The following ANXA13 variants were observed in gnomAD, a reference collection of about 807,000 sequenced individuals.
ANXA13 encodes the protein annexin XIII.
In ANXA13, 36 loss-of-function variants were observed where a neutral mutation model predicts 46.6. The ratio of observed to expected loss-of-function variants is 0.77; its 90% CI spans 0.59 to 1.02. ANXA13 has a LOEUF of 1.02. Ranked by LOEUF, ANXA13 falls within the 50% of genes least tolerant of loss-of-function variation. The pLI is 0.00. For missense variants in ANXA13, 417 were observed against 396.5 expected (o/e 1.05, Z -0.44); for synonymous variants, 163 against 152.9 (o/e 1.07, Z -0.49).
intron 9 of ANXA13, 93 bp from the exon 10 acceptor site, chr8:123,684,815 G>A (rs1469583898): frequency 2.3e-6 from 2 of 868,822 alleles, no homozygotes; most frequent in South Asian, 1.4e-5. Flanking sequence ...TGCCCTTCGA[G>A]CTGACTGGAT....
intron 10 of ANXA13, among the ~76,000 whole-genome samples, chr8:123,682,952 C>A (rs548066871): frequency 6.6e-6 from 1 of 152,180 alleles, no homozygotes; most frequent in Non-Finnish European, 1.5e-5. Flanking sequence ...ACAAGCCCTT[C>A]GGATGGATCC....
chr8:123,698,670 T>C lies in ANXA13; in HGVS notation c.187-111A>G. 6 of 1,186,822 alleles carry C rather than the reference T, an allele frequency of 5.1e-6. No individual in the cohort carries two copies. In the South Asian group the frequency reaches 8.6e-5, roughly 17 times the overall value. The allele number at this position is 1,186,822 out of a possible 1,614,324, so 73.5% of individuals were successfully genotyped here. On this transcript the variant is annotated intron_variant, in intron 3 of 10. Transcript: ENST00000419625. ...GTTGACAAGAAAGGTGCTGTGGACATGAATTCTGCCAACCTGCAACCTGCT... is the reference window on the plus strand; with the variant it reads ...GTTGACAAGAAAGGTGCTGTGGACACGAATTCTGCCAACCTGCAACCTGCT...
chr8:123,712,862 C>T (rs963850112), intron 1 of ANXA13, 109 bp from the exon 2 acceptor site: 1 of 903,248 alleles, frequency 1.1e-6, no homozygotes, highest in Admixed American at 2.0e-5. Context: ...TAACCAGGGA[C>T]CAGCTGTCAC....
intron 1 of ANXA13, chr8:123,735,673 G>A (rs1020830311): frequency 2.1e-6 from 3 of 1,442,812 alleles, no homozygotes; most frequent in Admixed American, 4.7e-5. Flanking sequence ...GGTCCAACAT[G>A]ACAGATCACT....
At chr8:123,712,978 C>T (rs944715582) in intron 1 of ANXA13, among the ~76,000 whole-genome samples, 1 of 152,112 alleles carries the variant, frequency 6.6e-6, no homozygotes, top group African/African-American at 2.4e-5. Flanking sequence ...GAGAATGGGC[C>T]CCTCTGTTCT....
chr8:123,698,142 GA>G (rs1813377261), intron 4 of ANXA13, among the ~76,000 whole-genome samples: 1 of 152,242 alleles, frequency 6.6e-6, no homozygotes, highest in Non-Finnish European at 1.5e-5. Flanking sequence ...CATCAGTTTA[GA>G]AAAGCAGAAG....
chr8:123,731,325 A>T (rs564413044), intron 1 of ANXA13, among the ~76,000 whole-genome samples: 1 of 152,306 alleles, frequency 6.6e-6, no homozygotes, highest in African/African-American at 2.4e-5. Context: ...AAATATACAG[A>T]CGCCAGGGCC....
intron 3 of ANXA13, among the ~76,000 whole-genome samples, chr8:123,698,792 C>T (rs953631605): frequency 4.6e-5 from 7 of 152,154 alleles, no homozygotes; most frequent in Admixed American, 4.6e-4. Flanking sequence ...GAGACCTCAC[C>T]GATGAATCAC....
intron 2 of ANXA13, among the ~76,000 whole-genome samples, chr8:123,704,717 G>A (rs895206141): frequency 1.3e-5 from 2 of 152,098 alleles, no homozygotes; most frequent in Non-Finnish European, 2.9e-5. Flanking sequence ...AATTCTTTGC[G>A]TGAAACACCT....
intron 1 of ANXA13, among the ~76,000 whole-genome samples, chr8:123,724,502 CT>C (rs1813944946): frequency 6.6e-6 from 1 of 152,190 alleles, no homozygotes; most frequent in Non-Finnish European, 1.5e-5. Flanking sequence ...AAATTAGAAA[CT>C]TCCGCTGTTG....
rs1190953635 is a variant in ANXA13 at position 123,696,263 on chromosome 8, GT to G, written c.358-543del. ...ATCCAGCTATGCTTGTACATGGATA[GT>G]CACCTAGAGTTTTTTAAAGGGACAC... On this transcript the variant is annotated intron_variant, in intron 4 of 10. Coordinates refer to ENST00000419625, the MANE Select transcript of ANXA13 (RefSeq NM_004306.4). 3.3e-5 allele frequency among the ~76,000 whole-genome samples: 5 copies of G among 152,158 alleles called. No individual in the cohort carries two copies. The East Asian group carries it at 7.7e-4, about 23-fold the overall frequency.
In ANXA13 at chr8:123,707,096, C is replaced by T. The variant is rs563214581; in HGVS notation, c.92-4360G>A. ...CCACGGGAGCAGAGTATTTTGTTCA[C>T]CATGGTATTCCCACAGAAGGCTGTC... is the stretch of plus-strand genomic sequence containing the variant. On this transcript the variant is annotated intron_variant, in intron 2 of 10. Coordinates refer to ENST00000419625, the MANE Select transcript of ANXA13 (RefSeq NM_004306.4). 2.6e-5 allele frequency among the ~76,000 whole-genome samples: 4 copies of T among 152,308 alleles called. No individual in the cohort carries two copies. The South Asian group carries it at 8.3e-4, about 32-fold the overall frequency.
rs1221773488 is a variant in ANXA13, at chr8:123,695,722, C to T, written c.358-1G>A. The stretch of plus-strand genomic sequence containing the variant: ...AGGCCTCTTTAATGGCGATGATTTC[C>T]TAGGGAAGGTAATTTACAAAAAAAT... On this transcript the variant is annotated splice_acceptor_variant, in intron 4 of 10. Coordinates refer to ENST00000419625, the MANE Select transcript of ANXA13 (RefSeq NM_004306.4). LOFTEE classifies it high-confidence loss of function. 6 of 1,612,326 alleles carry T rather than the reference C, an allele frequency of 3.7e-6. No homozygotes were observed. Among genetic ancestry groups the T allele is most frequent in the Non-Finnish European group, 5.1e-6 (6 of 1,178,750 alleles).
rs145382855 is a variant in ANXA13, at chr8:123,693,719, G to T, written c.532C>A (p.Leu178Met). The T allele has an allele frequency of 8.0e-5, 129 of 1,613,888 alleles. No homozygotes were observed. The African/African-American group carries it at 1.3e-3, about 17-fold the overall frequency. Reference protein sequence around the residue: ...KDLAGQDAKDLYDAGEGRWGT... With the variant: ...KDLAGQDAKDMYDAGEGRWGT... ...CATGTCTGCACACATACATCATACA[G>T]ATCTTTGGCATCCTGACCAGCTAGA... is the stretch of plus-strand genomic sequence containing the variant. The change falls in exon 7 of 11, where the codon CTG becomes ATG. Residue 178 changes from leucine (L) to methionine (M), a missense_variant. Coordinates refer to ENST00000419625, the MANE Select transcript of ANXA13 (RefSeq NM_004306.4).
chr8:123,703,834 T>C (rs1470567018), intron 2 of ANXA13, among the ~76,000 whole-genome samples: 1 of 152,208 alleles, frequency 6.6e-6, no homozygotes, highest in Admixed American at 6.5e-5. Context: ...AGAATGTCCT[T>C]GTTTGAACCA....
intron 3 of ANXA13, among the ~76,000 whole-genome samples, chr8:123,699,625 C>A (rs1281003725): frequency 1.3e-5 from 2 of 152,236 alleles, no homozygotes; most frequent in Non-Finnish European, 2.9e-5. Flanking sequence ...ATCAGCCTAC[C>A]TAGAGTAGTT....
intron 2 of ANXA13, among the ~76,000 whole-genome samples, chr8:123,710,999 A>G (rs1586328528): frequency 6.7e-6 from 1 of 150,044 alleles, no homozygotes; most frequent in Non-Finnish European, 1.5e-5. Context: ...TTCCCGTCCT[A>G]CCTCCAAGGA....
At chr8:123,710,384 G>A (rs1813633060) in intron 2 of ANXA13, among the ~76,000 whole-genome samples, 1 of 152,188 alleles carries the variant, frequency 6.6e-6, no homozygotes, top group Non-Finnish European at 1.5e-5. Context: ...TGGGTGTGAG[G>A]TTTCTTTCTG....
chr8:123,685,147 C>T (rs568274645), intron 9 of ANXA13, among the ~76,000 whole-genome samples: 1 of 152,340 alleles, frequency 6.6e-6, no homozygotes, highest in African/African-American at 2.4e-5. Context: ...GCCGCCTGCT[C>T]TCCTATGCTC....
Sources: gnomAD v4.1 joint callset for allele counts (sites outside exome capture counted in the v4.1 genomes callset) on GRCh38, gnomAD v4.1.1 for gene constraint, MANE v1.5 for transcripts, NCBI Gene and HGNC (gene_info 2026-07-23, HGNC 2026-07-21) for gene names.